Variants in FASTKD1 observed in about 807,000 individuals in gnomAD.
FASTKD1 encodes FAST kinase domains 1.
A neutral mutation model predicts 90.9 loss-of-function variants in FASTKD1; 94 were observed. The ratio of observed to expected loss-of-function variants is 1.03; its 90% confidence interval spans 0.88 to 1.23. The LOEUF (loss-of-function observed/expected upper bound fraction) is 1.23. Ranked by LOEUF, FASTKD1 falls within the 50% of genes most tolerant of loss-of-function variation. The probability of loss-of-function intolerance (pLI) is 0.00; values close to 1 mark genes in which losing one functional copy is unlikely to be tolerated. For missense variants in FASTKD1, 945 were observed against 993.5 expected (o/e 0.95, Z 0.66); for synonymous variants, 319 against 345.8 (o/e 0.92, Z 0.86).
At chr2:169,555,043 G>A in intron 7 of FASTKD1, 81 bp downstream of exon 7, 1 of 1,332,942 alleles carries the variant, frequency 7.5e-7, no homozygotes. Flanking sequence ...ATAACTTCTA[G>A]CACCACTGTA....
At chr2:169,531,314 T>G in intron 13 of FASTKD1, 38 bp downstream of exon 13, 1 of 1,597,896 alleles carries the variant, frequency 6.3e-7, no homozygotes, top group Non-Finnish European at 8.6e-7. Context: ...ATTTAACATT[T>G]AGATATTAAT....
At position 169,561,949 on chromosome 2, in the gene FASTKD1, AATTATTAATTTATTGTAAATTAATTATT is replaced by A. The variant is rs1559157095; in HGVS notation, c.573-1192_573-1165del. ...ATTATTTGTTAATTTATTATAAATT[AATTATTAATTTATTGTAAATTAATTATT>A]CATTAATTTATTGTAAATTAATTAT... On this transcript the variant is annotated intron_variant, in intron 4 of 14. Coordinates refer to ENST00000453153, the MANE Select transcript of FASTKD1 (RefSeq NM_024622.6). Among the ~76,000 whole-genome samples, 3 of 129,568 alleles carry A rather than the reference AATTATTAATTTATTGTAAATTAATTATT, an allele frequency of 2.3e-5. 1 individual carries two copies. The highest frequency in any genetic ancestry group is 4.8e-5 in the Non-Finnish European group (3 of 62,612). 85.0% of individuals were successfully genotyped at this position (129,568 alleles called of 152,430 possible). A position where few individuals can be genotyped will look rare whatever the true frequency, so the allele number is the denominator to read the frequency against.
At chr2:169,569,054 C>A (rs1433087993) in intron 3 of FASTKD1, 130 bp downstream of exon 3, 3 of 724,508 alleles carry the variant, frequency 4.1e-6, no homozygotes, top group Non-Finnish European at 7.0e-6. Flanking sequence ...TAAAACTAAA[C>A]TGAGTTTAAA....
At chr2:169,561,769 TGTAA>T (rs1321103697) in intron 4 of FASTKD1, among the ~76,000 whole-genome samples, 3 of 139,506 alleles carry the variant, frequency 2.2e-5, no homozygotes, top group African/African-American at 8.0e-5. Flanking sequence ...ATTAATTTAT[TGTAA>T]ATTATTTATT....
At chr2:169,551,792 C>G (rs1685501505) in intron 7 of FASTKD1, among the ~76,000 whole-genome samples, 1 of 151,894 alleles carries the variant, frequency 6.6e-6, no homozygotes, top group Non-Finnish European at 1.5e-5. Context: ...GACCCTATCT[C>G]AAAAAATAAA....
chr2:169,550,775 T>C (rs901608265), intron 7 of FASTKD1, among the ~76,000 whole-genome samples: 2 of 152,218 alleles, frequency 1.3e-5, no homozygotes, highest in African/African-American at 4.8e-5. Context: ...ATTTTCAAAA[T>C]GATTTTTATA....
intron 5 of FASTKD1, among the ~76,000 whole-genome samples, chr2:169,559,687 G>T (rs1683496850): frequency 6.6e-6 from 1 of 152,222 alleles, no homozygotes; most frequent in African/African-American, 2.4e-5. Flanking sequence ...CAAAGTGATG[G>T]GATTAAAGGC....
intron 10 of FASTKD1, among the ~76,000 whole-genome samples, chr2:169,538,543 G>T (rs188647120): frequency 6.6e-6 from 1 of 151,928 alleles, no homozygotes; most frequent in Non-Finnish European, 1.5e-5. Context: ...AGGCATGGTG[G>T]TGCATGCCTG....
At chr2:169,555,594 T>A (rs1011597708) in intron 6 of FASTKD1, among the ~76,000 whole-genome samples, 2 of 152,226 alleles carry the variant, frequency 1.3e-5, no homozygotes, top group Admixed American at 6.5e-5. Context: ...GAGTTACCAA[T>A]AATTAGCAAA....
chr2:169,565,504 C>T (rs1278288003), intron 3 of FASTKD1, among the ~76,000 whole-genome samples: 2 of 150,014 alleles, frequency 1.3e-5, no homozygotes, highest in African/African-American at 2.5e-5. Flanking sequence ...CCTCATGATC[C>T]GCCCGCCTTG....
intron 8 of FASTKD1, among the ~76,000 whole-genome samples, chr2:169,545,975 A>C (rs2683425): frequency 0.67 from 102,596 of 152,004 alleles, 34,794 homozygotes; most frequent in Admixed American, 0.76. Flanking sequence ...ACTCTGTCAC[A>C]CAGGCTGGAG....
chr2:169,563,470 A>G (rs749449414), intron 3 of FASTKD1, 120 bp from the exon 4 acceptor site: 43 of 651,474 alleles, frequency 6.6e-5, no homozygotes, highest in Non-Finnish European at 9.2e-5. Context: ...TTTTTTCTAA[A>G]ATGTTATTAT....
intron 4 of FASTKD1, among the ~76,000 whole-genome samples, chr2:169,562,374 A>T (rs527340975): frequency 1.3e-4 from 20 of 152,102 alleles, no homozygotes; most frequent in African/African-American, 3.4e-4. Context: ...CTGGGATTAC[A>T]GGCGCCCGCC....
chr2:169,569,087 G>T, intron 3 of FASTKD1, 97 bp downstream of exon 3: 2 of 931,474 alleles, frequency 2.1e-6, no homozygotes, highest in South Asian at 3.0e-5. Context: ...AGTGAAGCTT[G>T]ACAGGCATCA....
At chr2:169,563,568 TTTAC>T (rs1356168965) in intron 3 of FASTKD1, among the ~76,000 whole-genome samples, 11 of 152,242 alleles carry the variant, frequency 7.2e-5, no homozygotes, top group Admixed American at 2.0e-4. Flanking sequence ...ATTTGAATGA[TTTAC>T]TTAATTTTTT....
intron 13 of FASTKD1, 197 bp from the exon 14 acceptor site, chr2:169,530,898 A>G: frequency 1.4e-6 from 1 of 693,056 alleles, no homozygotes. Context: ...TATTGTAAAT[A>G]TTTGTCTGCT....
At chr2:169,566,822 T>C (rs1684010247) in intron 3 of FASTKD1, among the ~76,000 whole-genome samples, 3 of 152,166 alleles carry the variant, frequency 2.0e-5, no homozygotes, top group Admixed American at 1.3e-4. Flanking sequence ...TTACAAATTA[T>C]ATTTATAAAA....
At chr2:169,541,751 T>C (rs1234652071) in intron 9 of FASTKD1, among the ~76,000 whole-genome samples, 13 of 152,184 alleles carry the variant, frequency 8.5e-5, no homozygotes, top group Non-Finnish European at 1.5e-4. Context: ...TCAGTATCTG[T>C]TGCTTGGTAG....
chr2:169,557,319 T>G (rs1398170033), intron 5 of FASTKD1, 22 bp from the exon 6 acceptor site: 17 of 1,377,204 alleles, frequency 1.2e-5, no homozygotes, highest in Admixed American at 4.6e-5. Context: ...AAAAAAAAAG[T>G]TTTTGGTTGA....
Sources: gnomAD v4.1 joint callset for allele counts (sites outside exome capture counted in the v4.1 genomes callset) on GRCh38, gnomAD v4.1.1 for gene constraint, MANE v1.5 for transcripts, NCBI Gene and HGNC (gene_info 2026-07-23, HGNC 2026-07-21) for gene names.